Variants in DLG2 observed in about 807,000 individuals in gnomAD.
DLG2 encodes discs large MAGUK scaffold protein 2, also known as disks large homolog 2.
Under a neutral mutation model 132.5 loss-of-function variants are expected in DLG2, and 45 were observed. The ratio of observed to expected loss-of-function variants is 0.34; its 90% CI spans 0.27 to 0.44. The LOEUF (loss-of-function observed/expected upper bound fraction) is 0.44, where lower values mean the gene tolerates loss of function less well. DLG2 is among the 20% of genes least tolerant of loss of function. The pLI is 1.00. For synonymous variants in DLG2, 424 were observed against 419.6 expected, an observed-to-expected ratio of 1.01 and a Z score of -0.13; for missense variants, 1,045 against 1,196.9, an observed-to-expected ratio of 0.87 and a Z score of 1.87.
rs201751193 is a variant in DLG2 at position 83,945,239 on chromosome 11, G to C, written c.1341-14756C>G. On this transcript the variant is annotated intron_variant, in intron 14 of 27. Coordinates refer to ENST00000376104, the MANE Select transcript of DLG2 (RefSeq NM_001142699.3). ...TGTAGTGACCCAAGACTTCATCATT[G>C]CGCTACAGTCTGGGCAACAGAGGGA... Among the ~76,000 whole-genome samples, 11 of 152,270 alleles carry C rather than the reference G, an allele frequency of 7.2e-5. No homozygotes were observed. The East Asian group carries it at 2.1e-3, about 29-fold the overall frequency.
At chr11:85,140,799 A>C (rs181603433) in intron 5 of DLG2, among the ~76,000 whole-genome samples, 2 of 151,988 alleles carry the variant, frequency 1.3e-5, no homozygotes, top group Non-Finnish European at 2.9e-5. Context: ...CAACTGTTTT[A>C]ATGTTTAGCC....
In DLG2 at chr11:84,423,403, G is replaced by A. The variant is rs182700097; in HGVS notation, c.519+111167C>T. Among the ~76,000 whole-genome samples, 9 of 152,176 alleles carry A rather than the reference G, an allele frequency of 5.9e-5. No homozygotes were observed. In the East Asian group the frequency reaches 1.7e-3, roughly 29 times the overall value. On this transcript the variant is annotated intron_variant, in intron 7 of 27. Coordinates refer to ENST00000376104, the MANE Select transcript of DLG2 (RefSeq NM_001142699.3). ...ATGTCATGCCTGGCACTTGTCTACT[G>A]TAACTGATGTGTTAAAAAATAAAAT...
intron 12 of DLG2, among the ~76,000 whole-genome samples, chr11:83,971,058 A>G (rs2091242410): frequency 6.6e-6 from 1 of 152,224 alleles, no homozygotes; most frequent in African/African-American, 2.4e-5. Context: ...ATTGTATGCA[A>G]TGAGAAGGGA....
chr11:83,942,717 T>C (rs1353871711), intron 14 of DLG2, among the ~76,000 whole-genome samples: 1 of 152,114 alleles, frequency 6.6e-6, no homozygotes, highest in Non-Finnish European at 1.5e-5. Flanking sequence ...TTCCTTAAAT[T>C]TTTTTTTGTA....
intron 19 of DLG2, among the ~76,000 whole-genome samples, chr11:83,562,080 G>C (rs543117297): frequency 1.3e-5 from 2 of 151,630 alleles, no homozygotes; most frequent in Non-Finnish European, 2.9e-5. Context: ...GTAGAGACAG[G>C]GTTTCACCAT....
intron 3 of DLG2, among the ~76,000 whole-genome samples, chr11:85,576,057 G>A (rs2078139190): frequency 6.6e-6 from 1 of 152,040 alleles, no homozygotes; most frequent in Non-Finnish European, 1.5e-5. Context: ...ATTCAGTCAA[G>A]AATTCTAAAA....
intron 19 of DLG2, among the ~76,000 whole-genome samples, chr11:83,557,595 A>C (rs2096541586): frequency 6.6e-6 from 1 of 152,228 alleles, no homozygotes; most frequent in Non-Finnish European, 1.5e-5. Flanking sequence ...AAGGTTAGAA[A>C]TCATAGATAA....
rs550263541 is a variant in DLG2, at chr11:85,199,355, C to T, written c.187-44704G>A. Among the ~76,000 whole-genome samples, 4 of 152,174 alleles carry T rather than the reference C, an allele frequency of 2.6e-5. No homozygotes were observed. The South Asian group carries it at 8.3e-4, about 32-fold the overall frequency. On this transcript the variant is annotated intron_variant, in intron 4 of 27. Transcript: ENST00000376104. ...AAGTTCTAGAAGAGACACAGCTAAT[C>T]CCCAGGGACAAAAATTTAAAAAAGT...
chr11:84,159,284 T>C (rs192967148), intron 9 of DLG2, among the ~76,000 whole-genome samples: 5 of 152,276 alleles, frequency 3.3e-5, no homozygotes, highest in African/African-American at 4.8e-5. Flanking sequence ...ATAAATAATA[T>C]ACATTTCAGA....
At chr11:85,008,041 G>C (rs1175146828) in intron 6 of DLG2, among the ~76,000 whole-genome samples, 1 of 152,108 alleles carries the variant, frequency 6.6e-6, no homozygotes, top group Non-Finnish European at 1.5e-5. Context: ...AAATGTTTTA[G>C]TATTTCTACC....
At chr11:84,642,316 C>T (rs2099668346) in intron 6 of DLG2, among the ~76,000 whole-genome samples, 1 of 151,704 alleles carries the variant, frequency 6.6e-6, no homozygotes, top group African/African-American at 2.4e-5. Flanking sequence ...TAAACTAAAG[C>T]CAACTCCTGC....
At chr11:84,957,061 A>G (rs949786486) in intron 6 of DLG2, among the ~76,000 whole-genome samples, 2 of 152,208 alleles carry the variant, frequency 1.3e-5, no homozygotes, top group African/African-American at 4.8e-5. Flanking sequence ...TGTCCTAAGA[A>G]CTATGAATTA....
chr11:85,600,316 GCAGT>G (rs2080064035), intron 2 of DLG2, among the ~76,000 whole-genome samples: 1 of 152,080 alleles, frequency 6.6e-6, no homozygotes, highest in Admixed American at 6.6e-5. Flanking sequence ...ACTAAATCCA[GCAGT>G]CAATTATCAA....
chr11:84,621,781 T>C (rs557645507), intron 6 of DLG2, among the ~76,000 whole-genome samples: 3 of 152,136 alleles, frequency 2.0e-5, no homozygotes, highest in Admixed American at 6.5e-5. Flanking sequence ...AACTGTGTCA[T>C]AGGAATAGCG....
chr11:84,052,982 C>T (rs2096425024), intron 11 of DLG2, among the ~76,000 whole-genome samples: 1 of 152,032 alleles, frequency 6.6e-6, no homozygotes, highest in Non-Finnish European at 1.5e-5. Flanking sequence ...CATTGCAGCA[C>T]TATTCACAAT....
intron 14 of DLG2, among the ~76,000 whole-genome samples, chr11:83,953,989 A>G (rs1268457777): frequency 1.3e-5 from 2 of 152,236 alleles, no homozygotes; most frequent in Non-Finnish European, 2.9e-5. Context: ...AACATTGATT[A>G]AATTACTATT....
intron 5 of DLG2, among the ~76,000 whole-genome samples, chr11:85,136,928 T>TA (rs1184856619): frequency 2.0e-5 from 3 of 152,092 alleles, no homozygotes; most frequent in Non-Finnish European, 2.9e-5. Flanking sequence ...TGATAGTTTT[T>TA]AAAAAATCTA....
chr11:83,705,253 T>A (rs1202507695), intron 18 of DLG2, among the ~76,000 whole-genome samples: 1 of 152,166 alleles, frequency 6.6e-6, no homozygotes, highest in Non-Finnish European at 1.5e-5. Context: ...AAAAAATTAT[T>A]TTGGAATTAA....
chr11:84,281,466 G>A (rs1308222631), intron 7 of DLG2, among the ~76,000 whole-genome samples: 1 of 151,190 alleles, frequency 6.6e-6, no homozygotes, highest in East Asian at 1.9e-4. Context: ...TATACTTTAA[G>A]TTTTAGGGTA....
Sources: gnomAD v4.1 joint callset for allele counts (sites outside exome capture counted in the v4.1 genomes callset) on GRCh38, gnomAD v4.1.1 for gene constraint, MANE v1.5 for transcripts, NCBI Gene and HGNC (gene_info 2026-07-23, HGNC 2026-07-21) for gene names.